The following B3GALT1 variants were observed in gnomAD, a reference collection of about 807,000 sequenced individuals.
The protein encoded by B3GALT1 is beta-1,3-galactosyltransferase 1, also known as UDP-Gal:betaGlcNAc beta 1,3-galactosyltransferase, polypeptide 1.
In B3GALT1, 10 loss-of-function variants were observed where a neutral mutation model predicts 23.2. The observed-to-expected ratio is 0.43, with a 90% CI of 0.27 to 0.73. The LOEUF is 0.73. Among genes scored for constraint, B3GALT1 ranks in the 30% least tolerant of loss-of-function variants. B3GALT1 has a pLI of 0.21. For synonymous variants in B3GALT1, 156 were observed against 141.5 expected, an observed-to-expected ratio of 1.10 and a Z score of -0.73; for missense variants, 299 against 405.4, an observed-to-expected ratio of 0.74 and a Z score of 2.25.
intron 3 of B3GALT1, among the ~76,000 whole-genome samples, chr2:167,774,404 C>G (rs1426862642): frequency 3.3e-5 from 5 of 150,808 alleles, no homozygotes; most frequent in Non-Finnish European, 5.9e-5. Context: ...ACTATTTTCT[C>G]TCTATGTGAA....
intron 1 of B3GALT1, among the ~76,000 whole-genome samples, chr2:167,457,420 G>A (rs1174164361): frequency 3.3e-5 from 5 of 151,856 alleles, no homozygotes; most frequent in African/African-American, 9.7e-5. Flanking sequence ...TGATCCACCC[G>A]CCTTGGCCTC....
chr2:167,316,248 GT>G (rs1696716032), intron 1 of B3GALT1, among the ~76,000 whole-genome samples: 1 of 151,398 alleles, frequency 6.6e-6, no homozygotes, highest in African/African-American at 2.4e-5. Flanking sequence ...AAAATGGCAT[GT>G]AGAAAAAGAA....
At chr2:167,528,969 C>G (rs1443417068) in intron 2 of B3GALT1, among the ~76,000 whole-genome samples, 1 of 152,044 alleles carries the variant, frequency 6.6e-6, no homozygotes, top group Non-Finnish European at 1.5e-5. Flanking sequence ...TTCCTGTTAT[C>G]TCCCTTTGTG....
chr2:167,835,493 A>G (rs1195893617), intron 4 of B3GALT1, among the ~76,000 whole-genome samples: 3 of 152,250 alleles, frequency 2.0e-5, no homozygotes, highest in Non-Finnish European at 4.4e-5. Context: ...GGCACCCACC[A>G]TTGCCCATGC....
chr2:167,578,427 A>G (rs1032446709), intron 2 of B3GALT1, among the ~76,000 whole-genome samples: 15 of 151,894 alleles, frequency 9.9e-5, no homozygotes, highest in African/African-American at 3.6e-4. Flanking sequence ...GAGAAACTGC[A>G]CTTCAAACTG....
intron 2 of B3GALT1, among the ~76,000 whole-genome samples, chr2:167,535,652 G>A (rs879280559): frequency 6.6e-6 from 1 of 151,640 alleles, no homozygotes; most frequent in African/African-American, 2.4e-5. Context: ...TTTAACAGAT[G>A]CTCTGTTAAT....
chr2:167,772,061 C>T (rs921873716), intron 3 of B3GALT1, among the ~76,000 whole-genome samples: 2 of 152,136 alleles, frequency 1.3e-5, no homozygotes, highest in Admixed American at 6.5e-5. Context: ...GTTAGAAGGG[C>T]TCACTAATGA....
At chr2:167,432,068 G>T (rs551494328) in intron 1 of B3GALT1, among the ~76,000 whole-genome samples, 34 of 152,296 alleles carry the variant, frequency 2.2e-4, no homozygotes, top group African/African-American at 7.5e-4. Flanking sequence ...CATAAGCCTT[G>T]CTGAGCTTGG....
At chr2:167,641,903 C>T (rs1486013915) in intron 2 of B3GALT1, among the ~76,000 whole-genome samples, 1 of 152,194 alleles carries the variant, frequency 6.6e-6, no homozygotes, top group African/African-American at 2.4e-5. Context: ...AAGTTTTAGG[C>T]TTGCATAGCC....
At chr2:167,803,005 G>A (rs2105342137) in intron 3 of B3GALT1, among the ~76,000 whole-genome samples, 1 of 151,854 alleles carries the variant, frequency 6.6e-6, no homozygotes. Context: ...AATGATTGAT[G>A]TGCAGATGGA....
At chr2:167,584,805 G>A (rs1318031793) in intron 2 of B3GALT1, among the ~76,000 whole-genome samples, 1 of 152,160 alleles carries the variant, frequency 6.6e-6, no homozygotes, top group African/African-American at 2.4e-5. Flanking sequence ...TATGGAAAGG[G>A]GCACGGAGCT....
chr2:167,592,311 CA>C (rs2105416774), intron 2 of B3GALT1, among the ~76,000 whole-genome samples: 1 of 152,284 alleles, frequency 6.6e-6, no homozygotes, highest in Non-Finnish European at 1.5e-5. Context: ...CATGGTCAGT[CA>C]ACCTTGCTGC....
intron 3 of B3GALT1, among the ~76,000 whole-genome samples, chr2:167,661,850 G>T (rs536343116): frequency 5.9e-5 from 9 of 152,170 alleles, no homozygotes; most frequent in Non-Finnish European, 8.8e-5. Flanking sequence ...GATGCTTTCA[G>T]GTTCCGGACT....
At chr2:167,605,175 A>G (rs1684941406) in intron 2 of B3GALT1, among the ~76,000 whole-genome samples, 1 of 152,222 alleles carries the variant, frequency 6.6e-6, no homozygotes, top group Non-Finnish European at 1.5e-5. Flanking sequence ...AGAGCAAAGA[A>G]AGAAACATCA....
intron 1 of B3GALT1, among the ~76,000 whole-genome samples, chr2:167,344,307 G>A (rs1202782935): frequency 2.0e-5 from 3 of 152,022 alleles, no homozygotes; most frequent in African/African-American, 4.8e-5. Context: ...AAAGTGAAGG[G>A]AAGGGACAAG....
At chr2:167,295,404 G>C (rs1372961320) in intron 1 of B3GALT1, among the ~76,000 whole-genome samples, 2 of 152,082 alleles carry the variant, frequency 1.3e-5, no homozygotes, top group Non-Finnish European at 2.9e-5. Flanking sequence ...TCAGGACTTT[G>C]TTAAGGTTAC....
intron 2 of B3GALT1, among the ~76,000 whole-genome samples, chr2:167,544,576 C>A (rs1446280175): frequency 6.6e-6 from 1 of 152,134 alleles, no homozygotes; most frequent in Non-Finnish European, 1.5e-5. Flanking sequence ...GGATTACAGG[C>A]GTGAGCCTCT....
intron 1 of B3GALT1, among the ~76,000 whole-genome samples, chr2:167,424,463 A>G (rs1309851008): frequency 1.3e-5 from 2 of 152,222 alleles, no homozygotes; most frequent in African/African-American, 2.4e-5. Flanking sequence ...CTAAAATGCC[A>G]GAAGGAAGAC....
chr2:167,843,066 G>T (rs1439251666), intron 4 of B3GALT1, among the ~76,000 whole-genome samples: 1 of 152,130 alleles, frequency 6.6e-6, no homozygotes, highest in Admixed American at 6.5e-5. Context: ...TGACCACATG[G>T]TCTGTAGTTT....
Sources: allele counts gnomAD v4.1 joint callset (sites outside exome capture counted in the v4.1 genomes callset), GRCh38; gene constraint gnomAD v4.1.1; transcripts MANE v1.5; gene names NCBI Gene and HGNC (gene_info 2026-07-23, HGNC 2026-07-21).